RUFY2: variants seen among roughly 807,000 people sequenced by gnomAD.
RUFY2 encodes the protein RUN and FYVE domain-containing protein 2.
RUFY2 carries 49 observed loss-of-function variants against 94.4 expected under a neutral mutation model. The observed-to-expected ratio is 0.52, with a 90% CI of 0.41 to 0.66. The LOEUF (loss-of-function observed/expected upper bound fraction) is 0.66. RUFY2 is among the 30% of genes least tolerant of loss of function. The pLI is 0.00. For missense variants in RUFY2, 541 were observed against 692.8 expected, an observed-to-expected ratio of 0.78 and a Z score of 2.46; for synonymous variants, 255 against 235.7, an observed-to-expected ratio of 1.08 and a Z score of -0.75.
chr10:68,384,996 G>T (rs1024277913), intron 8 of RUFY2, among the ~76,000 whole-genome samples: 3 of 152,296 alleles, frequency 2.0e-5, no homozygotes, highest in African/African-American at 7.2e-5. Flanking sequence ...GGGTGCAGTG[G>T]CTCACACCTG....
chr10:68,385,062 G>C (rs2049378524), intron 8 of RUFY2, among the ~76,000 whole-genome samples: 1 of 152,160 alleles, frequency 6.6e-6, no homozygotes, highest in Admixed American at 6.6e-5. Flanking sequence ...AGGAGTTTGA[G>C]ATCAGCCTGA....
rs1024229280 is a variant in RUFY2, at chr10:68,349,554, T to C, written c.1600-3470A>G. Among the ~76,000 whole-genome samples, 104 of 151,970 alleles carry C rather than the reference T, an allele frequency of 6.8e-4. 1 individual carries two copies. Among genetic ancestry groups the C allele is most frequent in the Non-Finnish European group, 1.9e-4 (13 of 67,970 alleles). On this transcript the variant is annotated intron_variant, in intron 16 of 17. Coordinates refer to ENST00000602465, the MANE Select transcript of RUFY2 (RefSeq NM_001330103.2). ...TTTTTAAAGAAAAAAAAATTTTTTT[T>C]TTGAGACAGAGTCTCGCTCTGTCAC...
At chr10:68,381,611 A>G (rs1278698538) in intron 10 of RUFY2, among the ~76,000 whole-genome samples, 1 of 152,144 alleles carries the variant, frequency 6.6e-6, no homozygotes, top group Non-Finnish European at 1.5e-5. Flanking sequence ...TTGGGAGGCC[A>G]AGGTGGGTGG....
At chr10:68,374,947 A>C (rs1213883617) in intron 13 of RUFY2, among the ~76,000 whole-genome samples, 1 of 152,160 alleles carries the variant, frequency 6.6e-6, no homozygotes, top group Non-Finnish European at 1.5e-5. Context: ...TTCTATCTAT[A>C]TATAAATATA....
intron 6 of RUFY2, chr10:68,393,798 A>G (rs1423945073): frequency 7.3e-6 from 3 of 411,458 alleles, no homozygotes; most frequent in Non-Finnish European, 8.1e-6. Flanking sequence ...ATAAGCTTTC[A>G]TCTCTTTTAT....
chr10:68,401,000 G>A (rs1040318800), intron 3 of RUFY2, among the ~76,000 whole-genome samples: 1 of 147,172 alleles, frequency 6.8e-6, no homozygotes, highest in Non-Finnish European at 1.5e-5. Context: ...GCGACAGAGC[G>A]AGACTCCGTC....
At chr10:68,406,475 G>A (rs1474587536) in intron 1 of RUFY2, among the ~76,000 whole-genome samples, 1 of 152,150 alleles carries the variant, frequency 6.6e-6, no homozygotes, top group Non-Finnish European at 1.5e-5. Context: ...CCACACAAAG[G>A]GTGTTTTGCA....
chr10:68,343,263 C>T (rs1429765446), downstream of RUFY2: 1 of 152,156 alleles, frequency 6.6e-6, no homozygotes, highest in Non-Finnish European at 1.5e-5. Context: ...GAAGGTGGTA[C>T]TACATACGAT....
chr10:68,404,002 T>C (rs1311345880), intron 2 of RUFY2, among the ~76,000 whole-genome samples: 1 of 152,134 alleles, frequency 6.6e-6, no homozygotes, highest in Non-Finnish European at 1.5e-5. Context: ...TACTCTATAA[T>C]AGTCACTCTA....
At chr10:68,394,532 A>T in intron 4 of RUFY2, 81 bp from the exon 5 acceptor site, 6 of 1,000,900 alleles carry the variant, frequency 6.0e-6, no homozygotes, top group Non-Finnish European at 9.1e-6. Context: ...TTATCTTCCT[A>T]ATCTTCTACC....
intron 12 of RUFY2, chr10:68,378,573 T>C (rs770284815): frequency 3.1e-6 from 5 of 1,591,456 alleles, no homozygotes; most frequent in Non-Finnish European, 4.3e-6. Flanking sequence ...CAGAAAGATA[T>C]ATCTTTAACC....
intron 15 of RUFY2, chr10:68,355,762 A>T (rs2047004928): frequency 6.3e-6 from 1 of 159,598 alleles, no homozygotes; most frequent in Admixed American, 6.5e-5. Flanking sequence ...AAAATACAAA[A>T]AATTAGCCAG....
At chr10:68,359,505 T>C (rs1564791091) in intron 15 of RUFY2, among the ~76,000 whole-genome samples, 1 of 146,682 alleles carries the variant, frequency 6.8e-6, no homozygotes, top group East Asian at 2.0e-4. Context: ...CTACTATATA[T>C]ATAAATATAC....
At position 68,389,590 on chromosome 10, in the gene RUFY2, G is replaced by GA. The variant is rs1214656015; in HGVS notation, c.651-3463dup. ...GGGTGAAAGAGCGAAACTCTGTCTCGAAAAAAAAAAAGAAAATTATTTTGA... is the reference window on the plus strand; with the variant it reads ...GGGTGAAAGAGCGAAACTCTGTCTCGAAAAAAAAAAAAGAAAATTATTTTGA... On this transcript the variant is annotated intron_variant, in intron 7 of 17. Coordinates refer to ENST00000602465, the MANE Select transcript of RUFY2 (RefSeq NM_001330103.2). 5.6e-4 allele frequency among the ~76,000 whole-genome samples: 79 copies of GA among 141,274 alleles called. 1 individual carries two copies. The highest frequency in any genetic ancestry group is 3.6e-3 in the Middle Eastern group (1 of 276). The allele number at this position is 141,274 out of a possible 152,430, so 92.7% of individuals were successfully genotyped here. A position where few individuals can be genotyped will look rare whatever the true frequency, so the allele number is the denominator to read the frequency against.
chr10:68,363,699 A>G lies in RUFY2; in HGVS notation c.1456-15T>C. On this transcript the variant is annotated splice_polypyrimidine_tract_variant and intron_variant, in intron 14 of 17. Transcript: ENST00000602465. The stretch of plus-strand genomic sequence containing the variant: ...TTAAGGAACTCCTTCAGAACAATAA[A>G]AGACAGAAAATGAAATTTAAAAGAA... The G allele has an allele frequency of 6.8e-7, 1 of 1,474,688 alleles. No individual in the cohort carries two copies. The highest frequency in any genetic ancestry group is 1.3e-5 in the South Asian group (1 of 79,490). The allele number at this position is 1,474,688 out of a possible 1,614,324, so 91.4% of individuals were successfully genotyped here.
chr10:68,378,494 T>C, intron 12 of RUFY2: 1 of 1,383,700 alleles, frequency 7.2e-7, no homozygotes, highest in Admixed American at 3.2e-5. Flanking sequence ...TTTAGATTCC[T>C]TTCTATTTAA....
intron 10 of RUFY2, 60 bp from the exon 11 acceptor site, chr10:68,381,459 C>G (rs984600089): frequency 2.0e-6 from 3 of 1,502,434 alleles, no homozygotes; most frequent in Non-Finnish European, 1.8e-6. Flanking sequence ...ATTAGATATA[C>G]TTTAAGAAAG....
Position 68,394,103 on chromosome 10 carries a change from T to A in RUFY2, c.556A>T (p.Asn186Tyr). ...GVIDFSMYLKNEEDIGNKERN... is the reference protein window; with the variant it reads ...GVIDFSMYLKYEEDIGNKERN... ...TCTTTATTTCCAATATCTTCTTCATTCTTTAAATACATAGAAAAATCAATC... is the reference window on the plus strand; with the variant it reads ...TCTTTATTTCCAATATCTTCTTCATACTTTAAATACATAGAAAAATCAATC... Residue 186 changes from asparagine to tyrosine, a missense_variant, in exon 6 of 18, where the codon AAT (asparagine) becomes TAT (tyrosine). Around this residue, in one of 3 missense-constraint regions of RUFY2, gnomAD observed 403 missense variants for 480.7 expected, o/e 0.84. Coordinates refer to ENST00000602465, the MANE Select transcript of RUFY2 (RefSeq NM_001330103.2). The A allele has an allele frequency of 6.6e-7, 1 of 1,506,622 alleles. No individual in the cohort carries two copies. The highest frequency in any genetic ancestry group is 8.9e-7 in the Non-Finnish European group (1 of 1,122,702). The allele number at this position is 1,506,622 out of a possible 1,614,324, so 93.3% of individuals were successfully genotyped here.
At chr10:68,377,828 CAACT>C (rs1207579702) in intron 12 of RUFY2, 9 of 985,322 alleles carry the variant, frequency 9.1e-6, no homozygotes, top group Non-Finnish European at 1.1e-5. Context: ...AATTTCGGTT[CAACT>C]AACTAAAAAA....
Sources: allele counts gnomAD v4.1 joint callset (sites outside exome capture counted in the v4.1 genomes callset), GRCh38; gene constraint gnomAD v4.1.1; regional missense constraint gnomAD v4.1.1; transcripts MANE v1.5; gene names NCBI Gene and HGNC (gene_info 2026-07-23, HGNC 2026-07-21).